Variants in PLCL2 observed in about 807,000 individuals in gnomAD.
PLCL2 encodes inactive phospholipase C-like protein 2.
A neutral mutation model predicts 79.6 loss-of-function variants in PLCL2; 4 were observed. The ratio of observed to expected loss-of-function variants is 0.05; its 90% CI spans 0.02 to 0.11. The LOEUF (loss-of-function observed/expected upper bound fraction) is 0.11, where lower values mean the gene tolerates loss of function less well. Ranked by LOEUF, PLCL2 falls within the 10% of genes least tolerant of loss-of-function variation. PLCL2 has a pLI of 1.00. For missense variants in PLCL2, 895 were observed against 1,291.0 expected (o/e 0.69, Z 4.70); for synonymous variants, 484 against 457.7 (o/e 1.06, Z -0.73).
In PLCL2 at chr3:16,887,957, G is replaced by A. The variant is rs1194811087; in HGVS notation, c.327+2591G>A. ...AGATTAGTAAGCAAGGTGATAATTG[G>A]GGACTTGAGGGAATAGCAGGGAGTG... On this transcript the variant is annotated intron_variant, in intron 1 of 5. Transcript: ENST00000615277. This position sits in a 1 kb window ranked among gnomAD's most constrained non-coding sequence, Gnocchi z 4.1. Among the ~76,000 whole-genome samples the A allele has an allele frequency of 1.3e-5, 2 of 152,078 alleles. No individual in the cohort carries two copies. Among genetic ancestry groups the A allele is most frequent in the African/African-American group, 2.4e-5 (1 of 41,398 alleles).
chr3:16,976,277 G>C (rs541786685), intron 1 of PLCL2, among the ~76,000 whole-genome samples: 8 of 152,216 alleles, frequency 5.3e-5, no homozygotes, highest in African/African-American at 1.9e-4. Context: ...TAAGAAATTG[G>C]CTCATGCAGT....
At chr3:17,067,339 A>G (rs2065020021) in intron 4 of PLCL2, among the ~76,000 whole-genome samples, 1 of 152,220 alleles carries the variant, frequency 6.6e-6, no homozygotes, top group African/African-American at 2.4e-5. Context: ...AACCCTGTAA[A>G]CTAAATTTGA....
rs143263912 is a variant in PLCL2 at position 17,083,747 on chromosome 3, G to T, written c.3205-5986G>T. On this transcript the variant is annotated intron_variant, in intron 5 of 5. Transcript: ENST00000615277. ...CTGACAGATGGGATGATAGATGGAA[G>T]AAAAAGGGAAGAATGAATAATGACA... Among the ~76,000 whole-genome samples the T allele has an allele frequency of 4.9e-3, 745 of 152,260 alleles. 4 individuals are homozygous for T. Among genetic ancestry groups the T allele is most frequent in the Non-Finnish European group, 7.2e-3 (487 of 68,012 alleles).
chr3:16,912,529 G>A (rs1696905939), intron 1 of PLCL2, among the ~76,000 whole-genome samples: 1 of 152,180 alleles, frequency 6.6e-6, no homozygotes, highest in Admixed American at 6.5e-5. Flanking sequence ...TTCTGCCCTT[G>A]TAACACTTCA....
chr3:17,063,231 TC>T (rs2064969988), intron 4 of PLCL2, among the ~76,000 whole-genome samples: 1 of 86,966 alleles, frequency 1.1e-5, no homozygotes, highest in African/African-American at 4.4e-5. Context: ...CCTTCCTCCC[TC>T]CCTCCCTCCC....
chr3:16,896,748 T>C (rs2124917600), intron 1 of PLCL2, among the ~76,000 whole-genome samples: 1 of 152,330 alleles, frequency 6.6e-6, no homozygotes, highest in South Asian at 2.1e-4. Flanking sequence ...CAGAGAGTTT[T>C]AGCTCTACTG....
intron 1 of PLCL2, among the ~76,000 whole-genome samples, chr3:16,956,638 G>A (rs570736764): frequency 6.2e-4 from 95 of 152,102 alleles, no homozygotes; most frequent in Non-Finnish European, 1.1e-3. Flanking sequence ...GGTAGAATTC[G>A]GCTGTGAATC....
chr3:16,989,346 A>G (rs991877093), intron 1 of PLCL2, among the ~76,000 whole-genome samples: 1 of 152,132 alleles, frequency 6.6e-6, no homozygotes, highest in African/African-American at 2.4e-5. Flanking sequence ...TAAAAAGCTT[A>G]TCATCTAGAC....
At chr3:16,989,299 G>A (rs1447938384) in intron 1 of PLCL2, among the ~76,000 whole-genome samples, 5 of 152,112 alleles carry the variant, frequency 3.3e-5, no homozygotes, top group African/African-American at 9.7e-5. Context: ...AAAAGTCAGG[G>A]TGAATTTGGA....
intron 5 of PLCL2, among the ~76,000 whole-genome samples, chr3:17,070,783 G>A (rs973706933): frequency 1.2e-4 from 19 of 152,238 alleles, no homozygotes; most frequent in African/African-American, 4.6e-4. Flanking sequence ...AGGTGGCAGC[G>A]CTCCAGGCAG....
chr3:16,983,863 T>G (rs1443957409), intron 1 of PLCL2, among the ~76,000 whole-genome samples: 1 of 152,242 alleles, frequency 6.6e-6, no homozygotes, highest in Non-Finnish European at 1.5e-5. Context: ...TTAATTAATG[T>G]GGAATATGCC....
intron 1 of PLCL2, among the ~76,000 whole-genome samples, chr3:16,959,997 C>T (rs892313506): frequency 5.9e-5 from 9 of 152,116 alleles, no homozygotes; most frequent in African/African-American, 2.2e-4. Context: ...CCCAGCTACT[C>T]AGGAGGCTGA....
At chr3:16,968,653 G>A (rs1468484050) in intron 1 of PLCL2, among the ~76,000 whole-genome samples, 1 of 152,112 alleles carries the variant, frequency 6.6e-6, no homozygotes. Context: ...TTGTTTATCA[G>A]ATCAAGGAGA....
intron 3 of PLCL2, among the ~76,000 whole-genome samples, chr3:17,040,701 A>G (rs764809255): frequency 1.1e-4 from 16 of 152,148 alleles, no homozygotes; most frequent in East Asian, 1.9e-4. Context: ...AATTAGGGTT[A>G]TGAGGTTAAA....
At chr3:16,959,400 G>GT (rs1313085354) in intron 1 of PLCL2, among the ~76,000 whole-genome samples, 2 of 152,068 alleles carry the variant, frequency 1.3e-5, no homozygotes, top group Non-Finnish European at 2.9e-5. Context: ...TATTTCTTGC[G>GT]TTGACCTTTC....
intron 3 of PLCL2, among the ~76,000 whole-genome samples, chr3:17,036,106 C>T (rs999367914): frequency 6.6e-5 from 10 of 152,192 alleles, no homozygotes; most frequent in South Asian, 2.1e-4. Context: ...GAAGGGAGGA[C>T]GACCACAGCT....
chr3:16,895,543 G>A lies in PLCL2; in HGVS notation c.327+10177G>A. Among the ~76,000 whole-genome samples the A allele has an allele frequency of 1.3e-5, 2 of 152,074 alleles. 1 individual carries two copies. Among genetic ancestry groups the A allele is most frequent in the Non-Finnish European group, 2.9e-5 (2 of 67,998 alleles). Reference sequence around the variant, plus strand: ...GCCATTTATGTATGGGTCTGTTTTTGGAGTCTATTTTGTTACATACACATA... The same window carrying A: ...GCCATTTATGTATGGGTCTGTTTTTAGAGTCTATTTTGTTACATACACATA... On this transcript the variant is annotated intron_variant, in intron 1 of 5. Transcript: ENST00000615277.
In PLCL2 at chr3:16,980,351, T is replaced by G. The variant is rs546120508; in HGVS notation, c.328-29323T>G. Among the ~76,000 whole-genome samples the G allele has an allele frequency of 4.1e-3, 505 of 122,606 alleles. 5 individuals carry two copies. The highest frequency in any genetic ancestry group is 0.015 in the African/African-American group (469 of 31,880). The allele number at this position is 122,606 out of a possible 152,430, so 80.4% of individuals were successfully genotyped here. ...CTCACTTCCCAGACGGGGTGGCTGC[T>G]GGGCGGAGGGGCTCCTCACTTCTCA... On this transcript the variant is annotated intron_variant, in intron 1 of 5. Coordinates refer to ENST00000615277, the MANE Select transcript of PLCL2 (RefSeq NM_001144382.2).
intron 4 of PLCL2, among the ~76,000 whole-genome samples, chr3:17,062,495 A>T (rs2064962352): frequency 6.6e-6 from 1 of 152,226 alleles, no homozygotes; most frequent in Non-Finnish European, 1.5e-5. Context: ...AAGGAATCCT[A>T]GTTCCTCCCC....
Sources: allele counts gnomAD v4.1 joint callset (sites outside exome capture counted in the v4.1 genomes callset), GRCh38; gene constraint gnomAD v4.1.1; non-coding constraint Gnocchi (gnomAD v3.1); transcripts MANE v1.5; gene names NCBI Gene and HGNC (gene_info 2026-07-23, HGNC 2026-07-21).